The following ZDHHC17 variants were observed in gnomAD, a reference collection of about 807,000 sequenced individuals.
ZDHHC17 encodes palmitoyltransferase ZDHHC17.
Under a neutral mutation model 90.3 loss-of-function variants are expected in ZDHHC17, and 40 were observed. That is an observed-to-expected ratio of 0.44 (90% CI 0.34 to 0.58). The LOEUF is 0.58. Ranked by LOEUF, ZDHHC17 falls within the 20% of genes least tolerant of loss-of-function variation. The probability of loss-of-function intolerance (pLI) is 0.01; values close to 1 mark genes in which losing one functional copy is unlikely to be tolerated. For missense variants in ZDHHC17, 614 were observed against 780.8 expected (o/e 0.79, Z 2.55); for synonymous variants, 235 against 252.4 (o/e 0.93, Z 0.65).
At chr12:76,784,611 A>G (rs914196209) in intron 1 of ZDHHC17, among the ~76,000 whole-genome samples, 7 of 152,210 alleles carry the variant, frequency 4.6e-5, no homozygotes, top group African/African-American at 1.7e-4. Context: ...CGAACACCAT[A>G]GACATCTCAA....
At chr12:76,771,566 AGTT>A (rs1342658086) in intron 1 of ZDHHC17, among the ~76,000 whole-genome samples, 5 of 152,144 alleles carry the variant, frequency 3.3e-5, no homozygotes, top group Admixed American at 3.3e-4. Flanking sequence ...CATTTTTATC[AGTT>A]GTTGTATTCT....
At chr12:76,801,113 C>T (rs576064383) in intron 2 of ZDHHC17, among the ~76,000 whole-genome samples, 4 of 151,294 alleles carry the variant, frequency 2.6e-5, no homozygotes, top group South Asian at 4.2e-4. Flanking sequence ...GTCTCAAACT[C>T]CTGACCTCGT....
chr12:76,801,903 A>G (rs1952896401), intron 2 of ZDHHC17, among the ~76,000 whole-genome samples: 2 of 152,254 alleles, frequency 1.3e-5, no homozygotes, highest in Non-Finnish European at 1.5e-5. Flanking sequence ...ACAGACCAAA[A>G]TTACAATAAT....
intron 10 of ZDHHC17, among the ~76,000 whole-genome samples, chr12:76,828,793 C>T (rs972017205): frequency 6.6e-6 from 1 of 152,018 alleles, no homozygotes; most frequent in Non-Finnish European, 1.5e-5. Context: ...CCCCTTTTCC[C>T]CCTTTTTGTT....
chr12:76,850,029 T>G (rs1953543694), intron 16 of ZDHHC17, among the ~76,000 whole-genome samples: 1 of 152,092 alleles, frequency 6.6e-6, no homozygotes. Context: ...TAAGCACTTC[T>G]CTGCCTCAGC....
intron 7 of ZDHHC17, among the ~76,000 whole-genome samples, chr12:76,816,513 G>T (rs1592484616): frequency 6.6e-6 from 1 of 151,952 alleles, no homozygotes; most frequent in Non-Finnish European, 1.5e-5. Flanking sequence ...TTAATCATAT[G>T]CATTCATAAG....
At chr12:76,815,050 G>A (rs1484854260) in intron 5 of ZDHHC17, 96 bp from the exon 6 acceptor site, 2 of 720,728 alleles carry the variant, frequency 2.8e-6, no homozygotes, top group East Asian at 2.8e-5. Context: ...TATTATATTC[G>A]CTTCTCCTTT....
chr12:76,801,872 A>G (rs1242208198), intron 2 of ZDHHC17, among the ~76,000 whole-genome samples: 3 of 152,344 alleles, frequency 2.0e-5, no homozygotes, highest in South Asian at 4.1e-4. Flanking sequence ...CTAAAATTAT[A>G]TAGAAACAAT....
intron 10 of ZDHHC17, among the ~76,000 whole-genome samples, chr12:76,832,635 T>G (rs1953317241): frequency 6.6e-6 from 1 of 152,232 alleles, no homozygotes; most frequent in African/African-American, 2.4e-5. Flanking sequence ...CCAACAGCAC[T>G]ATAGCTCATT....
chr12:76,772,810 G>A (rs1362905133), intron 1 of ZDHHC17, among the ~76,000 whole-genome samples: 2 of 151,488 alleles, frequency 1.3e-5, no homozygotes, highest in African/African-American at 4.9e-5. Context: ...CTCCCAAAGT[G>A]CTGGGATTAC....
intron 1 of ZDHHC17, among the ~76,000 whole-genome samples, chr12:76,777,154 A>G (rs755579419): frequency 6.6e-6 from 1 of 152,194 alleles, no homozygotes; most frequent in Non-Finnish European, 1.5e-5. Flanking sequence ...AGGATTCTTC[A>G]TATTGCCCTT....
chr12:76,810,252 G>A (rs1953003673), intron 5 of ZDHHC17, among the ~76,000 whole-genome samples: 1 of 151,948 alleles, frequency 6.6e-6, no homozygotes, highest in Non-Finnish European at 1.5e-5. Context: ...TTTAAGATCA[G>A]TTTCTGCTGT....
intron 8 of ZDHHC17, 125 bp from the exon 9 acceptor site, chr12:76,826,783 A>G: frequency 1.1e-6 from 1 of 935,564 alleles, no homozygotes; most frequent in Non-Finnish European, 1.5e-6. Flanking sequence ...GTACTGATAC[A>G]TAGCATGCAA....
intron 8 of ZDHHC17, among the ~76,000 whole-genome samples, chr12:76,824,843 CAA>C (rs1201904552): frequency 5.7e-5 from 6 of 105,240 alleles, no homozygotes; most frequent in Admixed American, 1.0e-4. Context: ...ACCTTATCTC[CAA>C]AAAAAAAAAA....
At chr12:76,807,773 T>C (rs1952972259) in intron 3 of ZDHHC17, among the ~76,000 whole-genome samples, 1 of 152,160 alleles carries the variant, frequency 6.6e-6, no homozygotes, top group East Asian at 1.9e-4. Flanking sequence ...CAGTTGACTA[T>C]AGAGAAGGGG....
intron 8 of ZDHHC17, 22 bp downstream of exon 8, chr12:76,822,553 T>A: frequency 4.7e-6 from 3 of 641,074 alleles, no homozygotes; most frequent in Non-Finnish European, 6.3e-6. Flanking sequence ...ACTGAAGATT[T>A]TTTTTTTTTT....
intron 14 of ZDHHC17, 98 bp from the exon 15 acceptor site, chr12:76,848,135 T>G (rs1565810724): frequency 4.7e-5 from 59 of 1,258,854 alleles, no homozygotes; most frequent in Non-Finnish European, 1.1e-6. Flanking sequence ...AAATCTAGAC[T>G]GTTTGACTAT....
intron 4 of ZDHHC17, 72 bp downstream of exon 4, chr12:76,809,192 T>C: frequency 2.8e-6 from 3 of 1,054,688 alleles, no homozygotes; most frequent in East Asian, 3.1e-5. Flanking sequence ...TTTAAAAAAA[T>C]GATATACTAA....
chr12:76,800,906 T>TTTTA (rs1555183481), intron 2 of ZDHHC17, among the ~76,000 whole-genome samples: 1 of 149,086 alleles, frequency 6.7e-6, no homozygotes. Flanking sequence ...TTTTTTTTTT[T>TTTTA]AGACAGAGTC....
Sources: gnomAD v4.1 joint callset for allele counts (sites outside exome capture counted in the v4.1 genomes callset) on GRCh38, gnomAD v4.1.1 for gene constraint, MANE v1.5 for transcripts, NCBI Gene and HGNC (gene_info 2026-07-23, HGNC 2026-07-21) for gene names.